FHIT: variants seen among roughly 807,000 people sequenced by gnomAD.
FHIT encodes bis(5'-adenosyl)-triphosphatase.
Under a neutral mutation model 17.9 loss-of-function variants are expected in FHIT, and 19 were observed. The observed-to-expected ratio is 1.06, with a 90% CI of 0.74 to 1.56. The LOEUF (loss-of-function observed/expected upper bound fraction) is 1.56. Among genes scored for constraint, FHIT ranks in the 40% most tolerant of loss-of-function variants. FHIT has a pLI of 0.00. For synonymous variants in FHIT, 81 were observed against 69.7 expected (o/e 1.16, Z -0.81); for missense variants, 248 against 189.2 (o/e 1.31, Z -1.82).
chr3:60,574,196 T>A (rs192930380), intron 4 of FHIT, among the ~76,000 whole-genome samples: 2 of 152,036 alleles, frequency 1.3e-5, no homozygotes, highest in African/African-American at 2.4e-5. Context: ...GAGCCAGGAG[T>A]TTGGAAGCTT....
chr3:60,032,150 G>T (rs939995899), intron 5 of FHIT, among the ~76,000 whole-genome samples: 45 of 152,136 alleles, frequency 3.0e-4, no homozygotes, highest in African/African-American at 1.1e-3. Context: ...TGTTAATACT[G>T]TGTTAACTGG....
chr3:60,864,595 T>TGAGGGG (rs1704078149), intron 3 of FHIT, among the ~76,000 whole-genome samples: 1 of 152,022 alleles, frequency 6.6e-6, no homozygotes. Flanking sequence ...GGGCTCTGTA[T>TGAGGGG]TGGCAAGGAG....
intron 7 of FHIT, among the ~76,000 whole-genome samples, chr3:59,931,574 A>G (rs1705972970): frequency 6.6e-6 from 1 of 152,192 alleles, no homozygotes; most frequent in Admixed American, 6.6e-5. Flanking sequence ...GGCAGTTGGT[A>G]TGCCTTTCAG....
intron 2 of FHIT, among the ~76,000 whole-genome samples, chr3:61,088,787 C>T (rs2035385047): frequency 6.6e-6 from 1 of 151,982 alleles, no homozygotes; most frequent in Admixed American, 6.6e-5. Context: ...CTACAAAATA[C>T]AGTGAATGCA....
At chr3:60,219,414 T>C (rs898637508) in intron 5 of FHIT, among the ~76,000 whole-genome samples, 2 of 152,192 alleles carry the variant, frequency 1.3e-5, no homozygotes, top group African/African-American at 4.8e-5. Flanking sequence ...GAGAAAATTC[T>C]ACCCAAAGTC....
chr3:59,820,655 G>A (rs556364293), intron 8 of FHIT, among the ~76,000 whole-genome samples: 1 of 152,280 alleles, frequency 6.6e-6, no homozygotes, highest in South Asian at 2.1e-4. Context: ...TTTCAACAGA[G>A]ATCTCATGAC....
chr3:60,928,330 A>G (rs1401644713), intron 3 of FHIT, among the ~76,000 whole-genome samples: 3 of 151,294 alleles, frequency 2.0e-5, no homozygotes, highest in Non-Finnish European at 2.9e-5. Flanking sequence ...TAAAAAAAAA[A>G]AAAAGAAAAG....
At chr3:60,650,379 G>T (rs1415713769) in intron 4 of FHIT, among the ~76,000 whole-genome samples, 1 of 152,058 alleles carries the variant, frequency 6.6e-6, no homozygotes, top group Non-Finnish European at 1.5e-5. Context: ...TTTTTCACAA[G>T]AGAAAGCCCA....
chr3:60,677,389 C>T (rs1374489554), intron 4 of FHIT, among the ~76,000 whole-genome samples: 2 of 152,112 alleles, frequency 1.3e-5, no homozygotes, highest in East Asian at 1.9e-4. Flanking sequence ...TCAGCTCCCA[C>T]GTGTGAGGAC....
chr3:60,953,289 T>C (rs1418599585), intron 3 of FHIT, among the ~76,000 whole-genome samples: 10 of 152,162 alleles, frequency 6.6e-5, no homozygotes, highest in African/African-American at 2.4e-4. Flanking sequence ...CACTAAACTA[T>C]ATGCTCCCTA....
intron 3 of FHIT, among the ~76,000 whole-genome samples, chr3:60,910,866 A>G (rs1706706494): frequency 6.6e-6 from 1 of 152,166 alleles, no homozygotes; most frequent in African/African-American, 2.4e-5. Context: ...AGCCACCCAT[A>G]ACAGAAGCCA....
intron 7 of FHIT, among the ~76,000 whole-genome samples, chr3:60,001,904 G>A (rs960246078): frequency 1.3e-5 from 2 of 152,226 alleles, no homozygotes; most frequent in South Asian, 4.2e-4. Flanking sequence ...GCAAATAAAA[G>A]CCCCTGGTGA....
At chr3:60,009,164 TATGTGTGTGTG>T (rs1221431544) in intron 7 of FHIT, among the ~76,000 whole-genome samples, 1 of 20,506 alleles carries the variant, frequency 4.9e-5, no homozygotes, top group Non-Finnish European at 1.5e-4. Flanking sequence ...TCTGGGATTT[TATGTGTGTGTG>T]TGTGTGTGTG....
At chr3:60,576,020 T>C (rs2037553433) in intron 4 of FHIT, among the ~76,000 whole-genome samples, 1 of 152,200 alleles carries the variant, frequency 6.6e-6, no homozygotes, top group Admixed American at 6.5e-5. Context: ...ATGAGTATAC[T>C]CACCTCCTTC....
intron 4 of FHIT, among the ~76,000 whole-genome samples, chr3:60,722,730 T>C (rs1347290251): frequency 6.7e-6 from 1 of 149,786 alleles, no homozygotes; most frequent in African/African-American, 2.5e-5. Context: ...TTTTTTTTTT[T>C]TAGATGGAGT....
intron 5 of FHIT, among the ~76,000 whole-genome samples, chr3:60,407,655 C>G (rs962088909): frequency 4.6e-5 from 7 of 152,088 alleles, no homozygotes; most frequent in Non-Finnish European, 1.0e-4. Context: ...GCTGGGATTA[C>G]AAGTGTGTGC....
intron 5 of FHIT, among the ~76,000 whole-genome samples, chr3:60,069,594 C>T (rs1287325163): frequency 1.3e-5 from 2 of 152,186 alleles, no homozygotes; most frequent in African/African-American, 4.8e-5. Flanking sequence ...TTTCAGTTAA[C>T]CATCATTTTC....
chr3:61,164,536 T>G (rs775822279), intron 2 of FHIT, among the ~76,000 whole-genome samples: 33 of 152,202 alleles, frequency 2.2e-4, no homozygotes, highest in Non-Finnish European at 4.7e-4. Flanking sequence ...TGTGAAACAC[T>G]GAGCAAGTTA....
intron 8 of FHIT, among the ~76,000 whole-genome samples, chr3:59,884,238 T>C (rs1703526176): frequency 6.6e-6 from 1 of 152,220 alleles, no homozygotes; most frequent in African/African-American, 2.4e-5. Flanking sequence ...GAATCTATGA[T>C]AAAGATTGGT....
Sources: gnomAD v4.1 joint callset for allele counts (sites outside exome capture counted in the v4.1 genomes callset) on GRCh38, gnomAD v4.1.1 for gene constraint, MANE v1.5 for transcripts, NCBI Gene and HGNC (gene_info 2026-07-23, HGNC 2026-07-21) for gene names.